RANBP17: variants seen among roughly 807,000 people sequenced by gnomAD.
RANBP17 encodes RAN binding protein 17, also known as ran-binding protein 17.
A neutral mutation model predicts 141.2 loss-of-function variants in RANBP17; 158 were observed. The ratio of observed to expected loss-of-function variants is 1.12; its 90% CI spans 0.98 to 1.28. RANBP17 has a LOEUF of 1.28. RANBP17 is among the 50% of genes most tolerant of loss of function. RANBP17 has a pLI of 0.00. For synonymous variants in RANBP17, 430 were observed against 450.0 expected, an observed-to-expected ratio of 0.96 and a Z score of 0.56; for missense variants, 1,438 against 1,290.7, an observed-to-expected ratio of 1.11 and a Z score of -1.75.
intron 12 of RANBP17, among the ~76,000 whole-genome samples, chr5:170,952,263 G>A (rs1417922564): frequency 6.6e-6 from 1 of 151,958 alleles, no homozygotes; most frequent in Non-Finnish European, 1.5e-5. Flanking sequence ...TTCATGAATT[G>A]TATGTCATGA....
chr5:170,968,174 A>G (rs1776724569), intron 13 of RANBP17, 68 bp from the exon 14 acceptor site: 3 of 1,105,278 alleles, frequency 2.7e-6, no homozygotes, highest in African/African-American at 1.6e-5. Context: ...CATTTATGGT[A>G]AATGTTTTAA....
intron 14 of RANBP17, among the ~76,000 whole-genome samples, chr5:170,973,289 T>C (rs1173702796): frequency 1.3e-5 from 2 of 152,196 alleles, no homozygotes; most frequent in African/African-American, 4.8e-5. Flanking sequence ...TTTGGTTATC[T>C]GTATGTGAAA....
chr5:171,120,681 T>A (rs1755969374), intron 14 of RANBP17, among the ~76,000 whole-genome samples: 1 of 152,256 alleles, frequency 6.6e-6, no homozygotes, highest in South Asian at 2.1e-4. Flanking sequence ...GGAATATTGC[T>A]GTGAATTATT....
At chr5:171,095,744 T>G (rs1786639720) in intron 14 of RANBP17, among the ~76,000 whole-genome samples, 1 of 152,012 alleles carries the variant, frequency 6.6e-6, no homozygotes, top group African/African-American at 2.4e-5. Context: ...ACACAGGAGT[T>G]AGGGGAACTG....
intron 14 of RANBP17, among the ~76,000 whole-genome samples, chr5:171,064,063 G>T (rs1329967774): frequency 6.6e-6 from 1 of 152,236 alleles, no homozygotes; most frequent in Non-Finnish European, 1.5e-5. Context: ...GGTGCTGTTT[G>T]TCACCCCTTT....
intron 14 of RANBP17, among the ~76,000 whole-genome samples, chr5:171,148,614 ATAG>A (rs1215573583): frequency 2.1e-5 from 3 of 143,822 alleles, no homozygotes; most frequent in African/African-American, 7.9e-5. Flanking sequence ...ATATATATAT[ATAG>A]AGAGAGAGAG....
At chr5:171,099,850 A>G (rs779001843) in intron 14 of RANBP17, among the ~76,000 whole-genome samples, 2 of 152,118 alleles carry the variant, frequency 1.3e-5, no homozygotes, top group African/African-American at 2.4e-5. Flanking sequence ...TTCTGCGTCT[A>G]TTGAGATAAT....
intron 14 of RANBP17, among the ~76,000 whole-genome samples, chr5:170,983,706 G>A (rs1326432411): frequency 1.3e-5 from 2 of 152,134 alleles, no homozygotes; most frequent in African/African-American, 4.8e-5. Context: ...TCATGTATGT[G>A]TATAATTTTA....
At chr5:170,942,076 CAT>C (rs1024349329) in intron 12 of RANBP17, among the ~76,000 whole-genome samples, 1 of 152,156 alleles carries the variant, frequency 6.6e-6, no homozygotes, top group African/African-American at 2.4e-5. Context: ...TAGATTCTCT[CAT>C]AGGAGCGTGA....
intron 14 of RANBP17, among the ~76,000 whole-genome samples, chr5:171,082,121 A>G (rs962939839): frequency 1.3e-5 from 2 of 152,132 alleles, no homozygotes; most frequent in African/African-American, 4.8e-5. Context: ...ATATTTTTCT[A>G]ATATCCAGTT....
intron 22 of RANBP17, among the ~76,000 whole-genome samples, chr5:171,240,143 A>G (rs1213259594): frequency 6.6e-6 from 1 of 152,204 alleles, no homozygotes; most frequent in East Asian, 1.9e-4. Flanking sequence ...TAAGAAACAT[A>G]TATTACTTTA....
chr5:171,129,090 T>C (rs1756713268), intron 14 of RANBP17, among the ~76,000 whole-genome samples: 1 of 152,140 alleles, frequency 6.6e-6, no homozygotes, highest in Admixed American at 6.6e-5. Context: ...CCCATCACCA[T>C]TCTCTATTAC....
intron 14 of RANBP17, among the ~76,000 whole-genome samples, chr5:170,981,902 G>A (rs187505710): frequency 2.0e-5 from 3 of 152,254 alleles, no homozygotes; most frequent in East Asian, 3.9e-4. Context: ...AGATACCTTT[G>A]AATGCTGCAG....
chr5:171,244,990 T>C lies in RANBP17; in HGVS notation c.2776+2170T>C, dbSNP rs185873549. Among the ~76,000 whole-genome samples, 1,139 of 151,936 alleles carry C rather than the reference T, an allele frequency of 7.5e-3. 5 individuals are homozygous for C. The highest frequency in any genetic ancestry group is 0.013 in the Non-Finnish European group (867 of 67,948). On this transcript the variant is annotated intron_variant, in intron 24 of 27. Coordinates refer to ENST00000523189, the MANE Select transcript of RANBP17 (RefSeq NM_022897.5). ...AATACAAAAACAAAATTAGCCGGGC[T>C]TGGTAGCGGGCACCTGTAGTCCCAG...
chr5:171,174,302 G>A (rs1760293094), intron 16 of RANBP17, among the ~76,000 whole-genome samples: 1 of 152,116 alleles, frequency 6.6e-6, no homozygotes, highest in South Asian at 2.1e-4. Flanking sequence ...TCTGTACAGA[G>A]CCAGCCCGCT....
chr5:171,106,840 A>G (rs533319009), intron 14 of RANBP17, among the ~76,000 whole-genome samples: 13 of 152,146 alleles, frequency 8.5e-5, no homozygotes, highest in African/African-American at 3.1e-4. Flanking sequence ...AATATTGCTA[A>G]TCACTGACAC....
intron 25 of RANBP17, among the ~76,000 whole-genome samples, chr5:171,266,153 C>T (rs1292865606): frequency 2.6e-5 from 4 of 152,152 alleles, no homozygotes; most frequent in Admixed American, 6.5e-5. Context: ...CAGTCAGCCT[C>T]TGATTTCTCT....
chr5:170,897,949 G>C (rs939033788), intron 5 of RANBP17, among the ~76,000 whole-genome samples: 1 of 152,108 alleles, frequency 6.6e-6, no homozygotes, highest in African/African-American at 2.4e-5. Context: ...TGGGTCAAAT[G>C]GTATTTCTGG....
In RANBP17 at chr5:170,892,491, G is replaced by GAA. The variant is rs1769725989; in HGVS notation, c.362_363insAA (p.Val122ArgfsTer16). On this transcript the variant is annotated frameshift_variant, in exon 4 of 28. Coordinates refer to ENST00000523189, the MANE Select transcript of RANBP17 (RefSeq NM_022897.5). LOFTEE classifies it high-confidence loss of function. Reference sequence around the variant, plus strand: ...TAAAATCACTAAGTTGGGGTGGTTTGAGGTTCAGAAAGACCAATTTGTCTT... The same window carrying GAA: ...TAAAATCACTAAGTTGGGGTGGTTTGAAAGGTTCAGAAAGACCAATTTGTCTT... 6.2e-7 allele frequency: 1 copy of GAA among 1,613,872 alleles called. No individual in the cohort carries two copies. The highest frequency in any genetic ancestry group is 1.3e-5 in the African/African-American group (1 of 74,892).
Sources: gnomAD v4.1 joint callset for allele counts (sites outside exome capture counted in the v4.1 genomes callset) on GRCh38, gnomAD v4.1.1 for gene constraint, MANE v1.5 for transcripts, NCBI Gene and HGNC (gene_info 2026-07-23, HGNC 2026-07-21) for gene names.